CAMTA1: variants seen among roughly 807,000 people sequenced by gnomAD.
CAMTA1 encodes calmodulin-binding transcription activator 1.
In CAMTA1, 27 loss-of-function variants were observed where a neutral mutation model predicts 170.9. That is an observed-to-expected ratio of 0.16 (90% confidence interval 0.12 to 0.22). The LOEUF (loss-of-function observed/expected upper bound fraction) is 0.22, where lower values mean the gene tolerates loss of function less well. CAMTA1 is among the 10% of genes least tolerant of loss of function. The pLI is 1.00. For synonymous variants in CAMTA1, 833 were observed against 891.5 expected (o/e 0.93, Z 1.17); for missense variants, 1,619 against 2,217.2 (o/e 0.73, Z 5.42).
intron 3 of CAMTA1, among the ~76,000 whole-genome samples, chr1:6,949,255 C>T (rs773211840): frequency 6.6e-6 from 1 of 152,138 alleles, no homozygotes. Context: ...TGAGGGTCCT[C>T]GAACTGTTGG....
chr1:6,793,946 G>T (rs1320762319), intron 1 of CAMTA1, among the ~76,000 whole-genome samples: 1 of 152,018 alleles, frequency 6.6e-6, no homozygotes, highest in Admixed American at 6.6e-5. Flanking sequence ...AAATCATTTG[G>T]GAGTGATAAT....
chr1:6,857,959 A>G (rs1464009942), intron 3 of CAMTA1, among the ~76,000 whole-genome samples: 1 of 152,202 alleles, frequency 6.6e-6, no homozygotes, highest in Non-Finnish European at 1.5e-5. Flanking sequence ...CAGGGCAGAG[A>G]TTTTAGTTTT....
At chr1:6,840,032 C>G (rs1195352928) in intron 3 of CAMTA1, among the ~76,000 whole-genome samples, 1 of 152,128 alleles carries the variant, frequency 6.6e-6, no homozygotes, top group Non-Finnish European at 1.5e-5. Context: ...GAAACCCCAT[C>G]TCTACTAAAA....
At chr1:7,649,747 G>A (rs577732663) in intron 7 of CAMTA1, among the ~76,000 whole-genome samples, 1 of 152,342 alleles carries the variant, frequency 6.6e-6, no homozygotes, top group African/African-American at 2.4e-5. Context: ...AGGCCGCATA[G>A]CTGCTTCCGT....
Position 7,556,192 on chromosome 1 carries a change from G to C in CAMTA1, c.511-84208G>C, listed in dbSNP as rs116374178. Among the ~76,000 whole-genome samples, 404 of 152,308 alleles carry C rather than the reference G, an allele frequency of 2.7e-3. 1 individual carries two copies. Among genetic ancestry groups the C allele is most frequent in the African/African-American group, 9.5e-3 (394 of 41,564 alleles). On this transcript the variant is annotated intron_variant, in intron 6 of 22. Coordinates refer to ENST00000303635, the MANE Select transcript of CAMTA1 (RefSeq NM_015215.4). ...CTCTGGGCGGAGAGGCTGCCCCTAA[G>C]TTGTCCCTGGCCTGGGGTGACTAGG...
rs191440869 is a variant in CAMTA1 at position 7,248,042 on chromosome 1, G to C, written c.303-1449G>C. ...GAAGTATCGGGAGTCGCTGTTGAAA[G>C]TCTGTAATTTCCAGCGGAATTGCTG... is the stretch of plus-strand genomic sequence containing the variant. On this transcript the variant is annotated intron_variant, in intron 4 of 22. Coordinates refer to ENST00000303635, the MANE Select transcript of CAMTA1 (RefSeq NM_015215.4). The surrounding 1 kb of genome is among the most constrained non-coding windows in gnomAD (Gnocchi z 4.0). Among the ~76,000 whole-genome samples the C allele has an allele frequency of 6.6e-5, 10 of 152,316 alleles. No individual in the cohort carries two copies. Among genetic ancestry groups the C allele is most frequent in the Admixed American group, 6.5e-4 (10 of 15,302 alleles).
chr1:7,147,744 GCACA>G (rs1432858063), intron 4 of CAMTA1, among the ~76,000 whole-genome samples: 1 of 119,730 alleles, frequency 8.4e-6, no homozygotes, highest in African/African-American at 3.3e-5. Context: ...CATACACCAT[GCACA>G]CACACAAACT....
In CAMTA1 at chr1:7,455,939, G is replaced by T. The variant is rs529054770; in HGVS notation, c.439-11891G>T. On this transcript the variant is annotated intron_variant, in intron 5 of 22. Transcript: ENST00000303635. This position sits in a 1 kb window ranked among gnomAD's most constrained non-coding sequence, Gnocchi z 5.0. The stretch of plus-strand genomic sequence containing the variant: ...GGGCTGTGTAGCCGAAGCTCCCAGC[G>T]CCAGAGGGTACAGCCTGAGCCTCCT... Among the ~76,000 whole-genome samples the T allele has an allele frequency of 6.6e-6, 1 of 152,176 alleles. No homozygotes were observed. The highest frequency in any genetic ancestry group is 1.5e-5 in the Non-Finnish European group (1 of 68,028).
intron 5 of CAMTA1, among the ~76,000 whole-genome samples, chr1:7,328,975 T>C (rs2082864056): frequency 6.6e-6 from 1 of 152,200 alleles, no homozygotes; most frequent in African/African-American, 2.4e-5. Flanking sequence ...TTCTCACATA[T>C]GGAGAATTGA....
At chr1:7,639,927 G>A (rs2095747472) in intron 6 of CAMTA1, among the ~76,000 whole-genome samples, 2 of 152,282 alleles carry the variant, frequency 1.3e-5, no homozygotes, top group South Asian at 4.1e-4. Context: ...CCTGTGTTGG[G>A]GGCATCCCGC....
intron 6 of CAMTA1, among the ~76,000 whole-genome samples, chr1:7,587,374 T>G (rs1557961924): frequency 6.6e-6 from 1 of 151,966 alleles, no homozygotes; most frequent in Non-Finnish European, 1.5e-5. Context: ...TGCTCACAGA[T>G]CCATCTAAAC....
rs915411395 is a variant in CAMTA1, at chr1:7,443,759, A to T, written c.439-24071A>T. Among the ~76,000 whole-genome samples, 25 of 152,208 alleles carry T rather than the reference A, an allele frequency of 1.6e-4. No homozygotes were observed. The highest frequency in any genetic ancestry group is 6.0e-4 in the African/African-American group (25 of 41,540). ...TAAGAAGGGAGAAGTGGGGCTCCAGAGAGGGTCCCTCAGGTCTCTGCACCC... is the reference window on the plus strand; with the variant it reads ...TAAGAAGGGAGAAGTGGGGCTCCAGTGAGGGTCCCTCAGGTCTCTGCACCC... On this transcript the variant is annotated intron_variant, in intron 5 of 22. Coordinates refer to ENST00000303635, the MANE Select transcript of CAMTA1 (RefSeq NM_015215.4). This position sits in a 1 kb window ranked among gnomAD's most constrained non-coding sequence, Gnocchi z 4.1.
chr1:7,083,178 G>T (rs1640260564), intron 3 of CAMTA1, among the ~76,000 whole-genome samples: 1 of 152,204 alleles, frequency 6.6e-6, no homozygotes, highest in Non-Finnish European at 1.5e-5. Flanking sequence ...CAGACAGCCA[G>T]TGGGGCCAGG....
chr1:7,597,414 C>G (rs982349857), intron 6 of CAMTA1, among the ~76,000 whole-genome samples: 25 of 152,188 alleles, frequency 1.6e-4, no homozygotes, highest in African/African-American at 5.8e-4. Context: ...ATTGTTGACT[C>G]TGGCCCCGAG....
At chr1:7,398,658 G>A (rs944768295) in intron 5 of CAMTA1, among the ~76,000 whole-genome samples, 1 of 152,042 alleles carries the variant, frequency 6.6e-6, no homozygotes, top group Non-Finnish European at 1.5e-5. Context: ...TGATAGGTAA[G>A]GACTTACTCC....
intron 3 of CAMTA1, among the ~76,000 whole-genome samples, chr1:6,981,244 AT>A: frequency 6.6e-6 from 1 of 152,290 alleles, no homozygotes; most frequent in South Asian, 2.1e-4. Flanking sequence ...GGATTTCAGA[AT>A]TTCCAATAAA....
At chr1:7,666,895 G>A (rs911259289) in intron 9 of CAMTA1, among the ~76,000 whole-genome samples, 1 of 151,790 alleles carries the variant, frequency 6.6e-6, no homozygotes, top group African/African-American at 2.4e-5. Flanking sequence ...GTTTTGTTTT[G>A]TTTTGTTTTT....
intron 3 of CAMTA1, among the ~76,000 whole-genome samples, chr1:6,900,728 ATG>A (rs949811560): frequency 1.1e-4 from 16 of 152,210 alleles, no homozygotes; most frequent in African/African-American, 3.9e-4. Context: ...AACTAAGAAT[ATG>A]TGTAAGACCT....
intron 3 of CAMTA1, among the ~76,000 whole-genome samples, chr1:6,891,363 C>T (rs777529890): frequency 2.0e-5 from 3 of 152,230 alleles, no homozygotes; most frequent in Non-Finnish European, 4.4e-5. Flanking sequence ...TTTGCTAAGA[C>T]AGAAATGTTT....
Sources: allele counts gnomAD v4.1 joint callset (sites outside exome capture counted in the v4.1 genomes callset), GRCh38; gene constraint gnomAD v4.1.1; non-coding constraint Gnocchi (gnomAD v3.1); transcripts MANE v1.5; gene names NCBI Gene and HGNC (gene_info 2026-07-23, HGNC 2026-07-21).